Variants in SDK1 observed in about 807,000 individuals in gnomAD.
SDK1 encodes the protein sidekick cell adhesion molecule 1.
SDK1 carries 157 observed loss-of-function variants against 245.5 expected under a neutral mutation model. The ratio of observed to expected loss-of-function variants is 0.64; its 90% confidence interval spans 0.56 to 0.73. The LOEUF (loss-of-function observed/expected upper bound fraction) is 0.73. Ranked by LOEUF, SDK1 falls within the 30% of genes least tolerant of loss-of-function variation. The pLI, the probability that SDK1 is intolerant of heterozygous loss-of-function variation, is 0.00. For synonymous variants in SDK1, 1,647 were observed against 1,278.5 expected, an observed-to-expected ratio of 1.29 and a Z score of -6.15; for missense variants, 3,583 against 3,002.3, an observed-to-expected ratio of 1.19 and a Z score of -4.52.
intron 22 of SDK1, among the ~76,000 whole-genome samples, chr7:4,107,952 A>G (rs1783053595): frequency 6.6e-6 from 1 of 152,184 alleles, no homozygotes; most frequent in African/African-American, 2.4e-5. Context: ...TCAGCGTAAC[A>G]TAGGCTGGAA....
At chr7:4,058,219 A>G (rs1259158104) in intron 19 of SDK1, among the ~76,000 whole-genome samples, 1 of 152,228 alleles carries the variant, frequency 6.6e-6, no homozygotes, top group Non-Finnish European at 1.5e-5. Flanking sequence ...AAAAAGAACC[A>G]AACAGATATC....
At chr7:3,324,103 G>A (rs1306107750) in intron 1 of SDK1, among the ~76,000 whole-genome samples, 1 of 152,138 alleles carries the variant, frequency 6.6e-6, no homozygotes, top group African/African-American at 2.4e-5. Flanking sequence ...ATCTATTCTA[G>A]GGAGATACTC....
chr7:3,724,177 C>A (rs2115033421), intron 4 of SDK1, among the ~76,000 whole-genome samples: 1 of 152,104 alleles, frequency 6.6e-6, no homozygotes, highest in African/African-American at 2.4e-5. Context: ...GTTGGCCAGG[C>A]TGGTCTCGAA....
intron 40 of SDK1, among the ~76,000 whole-genome samples, chr7:4,231,834 A>T (rs1382599722): frequency 6.6e-6 from 1 of 152,138 alleles, no homozygotes; most frequent in Non-Finnish European, 1.5e-5. Context: ...ATCTGAGTGT[A>T]CCTGGTGATT....
rs117104065 is a variant in SDK1 at position 3,663,716 on chromosome 7, C to T, written c.713+21611C>T. Among the ~76,000 whole-genome samples the T allele has an allele frequency of 4.7e-3, 721 of 152,276 alleles. 5 individuals are homozygous for T. Among genetic ancestry groups the T allele is most frequent in the African/African-American group, 9.1e-3 (380 of 41,568 alleles). ...TGGCCACCCTACTTGTTTATAGCTA[C>T]TGTGGGTATAAAACTTGCCACACTA... On this transcript the variant is annotated intron_variant, in intron 4 of 44. Coordinates refer to ENST00000404826, the MANE Select transcript of SDK1 (RefSeq NM_152744.4).
chr7:3,530,898 G>A (rs1023831728), intron 1 of SDK1, among the ~76,000 whole-genome samples: 2 of 152,132 alleles, frequency 1.3e-5, no homozygotes, highest in African/African-American at 2.4e-5. Context: ...GTATCCATAG[G>A]TCAAGTCTAA....
At chr7:3,679,639 G>T (rs532176147) in intron 4 of SDK1, among the ~76,000 whole-genome samples, 1 of 152,278 alleles carries the variant, frequency 6.6e-6, no homozygotes, top group South Asian at 2.1e-4. Flanking sequence ...TGTCAAACAG[G>T]TATATGAAAA....
intron 10 of SDK1, 131 bp from the exon 11 acceptor site, chr7:3,969,126 T>A: frequency 1.3e-6 from 1 of 778,458 alleles, no homozygotes; most frequent in Non-Finnish European, 2.0e-6. Context: ...ACGTGGGGAT[T>A]GCAATTCGAG....
At chr7:3,536,850 C>A (rs1414328156) in intron 1 of SDK1, among the ~76,000 whole-genome samples, 1 of 152,036 alleles carries the variant, frequency 6.6e-6, no homozygotes, top group Non-Finnish European at 1.5e-5. Context: ...GGGAAAAATC[C>A]ATTTTAATAA....
chr7:4,249,595 G>A (rs1787156751), intron 44 of SDK1, among the ~76,000 whole-genome samples: 1 of 152,184 alleles, frequency 6.6e-6, no homozygotes, highest in African/African-American at 2.4e-5. Flanking sequence ...CCACCAGCTA[G>A]CATCCCATAG....
intron 1 of SDK1, among the ~76,000 whole-genome samples, chr7:3,460,333 T>A (rs1460359006): frequency 6.6e-6 from 1 of 152,198 alleles, no homozygotes; most frequent in Non-Finnish European, 1.5e-5. Context: ...ATTTAATTAC[T>A]GAATTATTAA....
At chr7:4,261,002 A>T (rs1437031880) in intron 44 of SDK1, among the ~76,000 whole-genome samples, 4 of 152,212 alleles carry the variant, frequency 2.6e-5, no homozygotes, top group African/African-American at 9.6e-5. Context: ...CAAACAGTTT[A>T]TACTTAATGT....
intron 1 of SDK1, among the ~76,000 whole-genome samples, chr7:3,310,744 T>C (rs1779530498): frequency 2.0e-5 from 3 of 152,134 alleles, no homozygotes; most frequent in African/African-American, 4.8e-5. Context: ...GGTATAAATA[T>C]TTGTGGAGAC....
intron 4 of SDK1, among the ~76,000 whole-genome samples, chr7:3,670,101 C>T (rs562609665): frequency 1.3e-5 from 2 of 152,186 alleles, no homozygotes; most frequent in Non-Finnish European, 2.9e-5. Context: ...CAAACTCTTG[C>T]CTCTTTCATT....
At chr7:3,742,319 G>A (rs1441507149) in intron 4 of SDK1, among the ~76,000 whole-genome samples, 3 of 152,064 alleles carry the variant, frequency 2.0e-5, no homozygotes, top group Admixed American at 2.0e-4. Context: ...AAAGACACAA[G>A]ATGAGCTCTC....
intron 7 of SDK1, among the ~76,000 whole-genome samples, chr7:3,953,890 A>T (rs993289958): frequency 6.6e-6 from 1 of 152,184 alleles, no homozygotes; most frequent in East Asian, 1.9e-4. Flanking sequence ...GTTGGCGCAC[A>T]CTGCAAAAAC....
At chr7:3,702,487 C>T (rs1784767656) in intron 4 of SDK1, among the ~76,000 whole-genome samples, 1 of 152,168 alleles carries the variant, frequency 6.6e-6, no homozygotes, top group South Asian at 2.1e-4. Flanking sequence ...CACCCCTCTC[C>T]CCCTCCACAT....
intron 5 of SDK1, among the ~76,000 whole-genome samples, chr7:3,833,137 A>T (rs1351350062): frequency 6.6e-6 from 1 of 152,118 alleles, no homozygotes; most frequent in African/African-American, 2.4e-5. Flanking sequence ...ACAAATGTCA[A>T]AACTGGAAGT....
chr7:4,246,925 G>T (rs1323327089), intron 44 of SDK1, among the ~76,000 whole-genome samples: 1 of 152,136 alleles, frequency 6.6e-6, no homozygotes, highest in Non-Finnish European at 1.5e-5. Context: ...GCCACGAGGG[G>T]GCTCTAAGCA....
Sources: allele counts gnomAD v4.1 joint callset (sites outside exome capture counted in the v4.1 genomes callset), GRCh38; gene constraint gnomAD v4.1.1; transcripts MANE v1.5; gene names NCBI Gene and HGNC (gene_info 2026-07-23, HGNC 2026-07-21).